Variants in ZCCHC7 observed in about 807,000 individuals in gnomAD.
The protein encoded by ZCCHC7 is zinc finger CCHC-type containing 7.
ZCCHC7 carries 35 observed loss-of-function variants against 52.0 expected under a neutral mutation model. That is an observed-to-expected ratio of 0.67 (90% CI 0.51 to 0.89). The LOEUF (loss-of-function observed/expected upper bound fraction) is 0.89, where lower values mean the gene tolerates loss of function less well. Among genes scored for constraint, ZCCHC7 ranks in the 40% least tolerant of loss-of-function variants. The pLI is 0.00. For missense variants in ZCCHC7, 574 were observed against 649.1 expected, an observed-to-expected ratio of 0.88 and a Z score of 1.26; for synonymous variants, 217 against 221.5, an observed-to-expected ratio of 0.98 and a Z score of 0.18.
At chr9:37,161,254 A>C (rs1264317930) in intron 2 of ZCCHC7, among the ~76,000 whole-genome samples, 1 of 152,054 alleles carries the variant, frequency 6.6e-6, no homozygotes, top group African/African-American at 2.4e-5. Flanking sequence ...TGGCCAAGGA[A>C]TCTATATCTT....
At chr9:37,165,911 C>G (rs1483030066) in intron 2 of ZCCHC7, among the ~76,000 whole-genome samples, 1 of 152,216 alleles carries the variant, frequency 6.6e-6, no homozygotes, top group Non-Finnish European at 1.5e-5. Flanking sequence ...ACAATGTTAA[C>G]ATCACCTTTA....
intron 2 of ZCCHC7, among the ~76,000 whole-genome samples, chr9:37,210,290 G>T (rs1275026454): frequency 6.6e-6 from 1 of 152,204 alleles, no homozygotes; most frequent in African/African-American, 2.4e-5. Context: ...CTAAAAGTCT[G>T]CATTTGCAGC....
At position 37,234,041 on chromosome 9, in the gene ZCCHC7, A is replaced by ACAGGGTTTCACTATGTTGGC. The variant is rs371738331; in HGVS notation, c.611-68122_611-68103dup. 9.0e-4 allele frequency among the ~76,000 whole-genome samples: 136 copies of ACAGGGTTTCACTATGTTGGC among 151,764 alleles called. No individual in the cohort carries two copies. In the South Asian group the frequency reaches 0.017, roughly 19 times the overall value. ...GCTAATATTTGTATTTTTAGTAGAG[A>ACAGGGTTTCACTATGTTGGC]CAGGGTTTCACTATGTTGGCCAGGG... is the stretch of plus-strand genomic sequence containing the variant. On this transcript the variant is annotated intron_variant, in intron 2 of 8. Transcript: ENST00000336755.
chr9:37,213,011 C>T (rs542046658), intron 2 of ZCCHC7, among the ~76,000 whole-genome samples: 3 of 152,164 alleles, frequency 2.0e-5, no homozygotes, highest in South Asian at 2.1e-4. Flanking sequence ...AGTGGATGTT[C>T]GGAATTTACT....
chr9:37,219,337 G>A (rs534337492), intron 2 of ZCCHC7, among the ~76,000 whole-genome samples: 2 of 152,146 alleles, frequency 1.3e-5, no homozygotes, highest in South Asian at 2.1e-4. Flanking sequence ...ACAAGCAGAG[G>A]TCAAAATATT....
intron 5 of ZCCHC7, 36 bp from the exon 6 acceptor site, chr9:37,327,763 T>C: frequency 6.2e-7 from 1 of 1,612,440 alleles, no homozygotes; most frequent in Non-Finnish European, 8.5e-7. Context: ...GTACCTTGTT[T>C]CATGCTCCCA....
chr9:37,177,655 C>T (rs1421493768), intron 2 of ZCCHC7, among the ~76,000 whole-genome samples: 3 of 152,114 alleles, frequency 2.0e-5, no homozygotes, highest in Non-Finnish European at 4.4e-5. Flanking sequence ...GCAATTAAGA[C>T]TGACATGAAA....
At chr9:37,146,086 C>A (rs1843420926) in intron 2 of ZCCHC7, among the ~76,000 whole-genome samples, 1 of 151,898 alleles carries the variant, frequency 6.6e-6, no homozygotes, top group Non-Finnish European at 1.5e-5. Context: ...TATTTTAACT[C>A]ATTCTTCGAG....
Position 37,357,925 on chromosome 9 carries a change from T to G in ZCCHC7, c.*657T>G, listed in dbSNP as rs1364424878. 1 of 152,070 alleles carries G rather than the reference T, an allele frequency of 6.6e-6. No homozygotes were observed. The highest frequency in any genetic ancestry group is 2.4e-5 in the African/African-American group (1 of 41,396). The allele number at this position is 152,070 out of a possible 1,614,324, so 9.4% of individuals were successfully genotyped here. On this transcript the variant is annotated 3_prime_UTR_variant, in exon 9 of 9. Coordinates refer to ENST00000336755, the MANE Select transcript of ZCCHC7 (RefSeq NM_032226.3). ...AACAAGTAAAAGAGACATCAAAAATTTTAACATAATCACAATGAAATCATT... is the reference window on the plus strand; with the variant it reads ...AACAAGTAAAAGAGACATCAAAAATGTTAACATAATCACAATGAAATCATT...
intron 2 of ZCCHC7, among the ~76,000 whole-genome samples, chr9:37,177,642 C>T (rs1822113340): frequency 6.6e-6 from 1 of 152,088 alleles, no homozygotes; most frequent in Non-Finnish European, 1.5e-5. Context: ...CACAATAAGA[C>T]AGGCAATTAA....
At chr9:37,250,388 G>A (rs966514622) in intron 2 of ZCCHC7, among the ~76,000 whole-genome samples, 1 of 147,130 alleles carries the variant, frequency 6.8e-6, no homozygotes, top group Non-Finnish European at 1.5e-5. Context: ...TGCAACCTCC[G>A]CCTCCTGGAT....
intron 2 of ZCCHC7, among the ~76,000 whole-genome samples, chr9:37,167,414 A>T (rs1046000582): frequency 1.3e-5 from 2 of 151,814 alleles, no homozygotes; most frequent in African/African-American, 2.4e-5. Flanking sequence ...CTAAAGTTTT[A>T]TTTTGGTCTT....
chr9:37,123,975 A>G (rs1350992079), intron 1 of ZCCHC7, among the ~76,000 whole-genome samples: 1 of 152,064 alleles, frequency 6.6e-6, no homozygotes, highest in Non-Finnish European at 1.5e-5. Context: ...AGGTGGGTTT[A>G]TTTGTTTCTG....
At chr9:37,133,120 T>G (rs1412929280) in intron 2 of ZCCHC7, among the ~76,000 whole-genome samples, 1 of 151,902 alleles carries the variant, frequency 6.6e-6, no homozygotes, top group Non-Finnish European at 1.5e-5. Flanking sequence ...GGCGACAGAG[T>G]GAGAGAGACT....
At chr9:37,141,866 A>C (rs1843241622) in intron 2 of ZCCHC7, among the ~76,000 whole-genome samples, 1 of 151,850 alleles carries the variant, frequency 6.6e-6, no homozygotes, top group Non-Finnish European at 1.5e-5. Context: ...GCATACTTTC[A>C]AATGTGAGGA....
intron 2 of ZCCHC7, among the ~76,000 whole-genome samples, chr9:37,132,542 A>T (rs1842830238): frequency 6.6e-6 from 1 of 152,162 alleles, no homozygotes; most frequent in Admixed American, 6.5e-5. Flanking sequence ...ATGTGTGTGT[A>T]TACACATCAT....
intron 2 of ZCCHC7, among the ~76,000 whole-genome samples, chr9:37,198,740 T>A (rs1823424985): frequency 6.6e-6 from 1 of 152,306 alleles, no homozygotes; most frequent in South Asian, 2.1e-4. Context: ...TCTAGTACAG[T>A]ATCTTAGGGA....
At chr9:37,353,559 T>C (rs1318151438) in intron 7 of ZCCHC7, among the ~76,000 whole-genome samples, 3 of 152,144 alleles carry the variant, frequency 2.0e-5, no homozygotes, top group Non-Finnish European at 4.4e-5. Context: ...TGGGAAGGAC[T>C]TACATGGAGG....
rs777449653 is a variant in ZCCHC7, at chr9:37,126,688, TTTC to T, written c.364_366del (p.Ser122del). ...CAAGCACAAGAAAATGCCCATGGTC[TTTC>T]TTCTTCTCTTCAATCTAATGAGCTG... On this transcript the variant is annotated inframe_deletion, in exon 2 of 9. Transcript: ENST00000336755. 7 of 1,614,134 alleles carry T rather than the reference TTTC, an allele frequency of 4.3e-6. No individual in the cohort carries two copies. Among genetic ancestry groups the T allele is most frequent in the South Asian group, 1.1e-5 (1 of 91,082 alleles).
Sources: gnomAD v4.1 joint callset for allele counts (sites outside exome capture counted in the v4.1 genomes callset) on GRCh38, gnomAD v4.1.1 for gene constraint, MANE v1.5 for transcripts, NCBI Gene and HGNC (gene_info 2026-07-23, HGNC 2026-07-21) for gene names.